Variants in SHC2 observed in about 807,000 individuals in gnomAD.
The protein encoded by SHC2 is SHC adaptor protein 2, also known as SHC-transforming protein 2.
SHC2 carries 62 observed loss-of-function variants against 60.6 expected under a neutral mutation model. The observed-to-expected ratio is 1.02, with a 90% CI of 0.83 to 1.26. The LOEUF is 1.26. Among genes scored for constraint, SHC2 ranks in the 50% most tolerant of loss-of-function variants. SHC2 has a pLI of 0.00. For missense variants in SHC2, 873 were observed against 822.2 expected, an observed-to-expected ratio of 1.06 and a Z score of -0.76; for synonymous variants, 375 against 372.4, an observed-to-expected ratio of 1.01 and a Z score of -0.08.
At chr19:421,386 C>A (rs141514852) in intron 11 of SHC2, among the ~76,000 whole-genome samples, 3 of 122,712 alleles carry the variant, frequency 2.4e-5, no homozygotes, top group Admixed American at 1.1e-4. Flanking sequence ...GGCAACAGTG[C>A]GAGACTCCAT....
rs947463055 is a variant in SHC2, at chr19:438,499, C to T, written c.720+219G>A. 4.6e-5 allele frequency among the ~76,000 whole-genome samples: 7 copies of T among 152,218 alleles called. No homozygotes were observed. The highest frequency in any genetic ancestry group is 8.8e-5 in the Non-Finnish European group (6 of 68,014). ...GCCCCCACCCACTCCATGCCAGGAG[C>T]GCCCCTGTATCAGGACGGCTCGCCC... On this transcript the variant is annotated intron_variant, in intron 4 of 12. Transcript: ENST00000264554. This position sits in a 1 kb window ranked among gnomAD's most constrained non-coding sequence, Gnocchi z 5.0.
rs377546633 is a variant in SHC2, at chr19:453,780, G to A, written c.468+6749C>T. On this transcript the variant is annotated intron_variant, in intron 1 of 12. Coordinates refer to ENST00000264554, the MANE Select transcript of SHC2 (RefSeq NM_012435.3). This position sits in a 1 kb window ranked among gnomAD's most constrained non-coding sequence, Gnocchi z 6.3. ...TTTTGCCGACCGTGTCCCAGTTTGC[G>A]TCCATCCCCCACCGGGCCTGGGCTC... is the stretch of plus-strand genomic sequence containing the variant. 7.2e-4 allele frequency among the ~76,000 whole-genome samples: 110 copies of A among 152,250 alleles called. No homozygotes were observed. The Middle Eastern group carries it at 0.01, about 14-fold the overall frequency.
intron 9 of SHC2, among the ~76,000 whole-genome samples, chr19:426,981 G>A (rs1203167727): frequency 2.6e-5 from 4 of 152,180 alleles, no homozygotes; most frequent in African/African-American, 9.7e-5. Flanking sequence ...GGGCATGAGT[G>A]CAAGTGAGAA....
In SHC2 at chr19:440,072, G is replaced by A. The variant is rs377419910; in HGVS notation, c.539+790C>T. Among the ~76,000 whole-genome samples, 240 of 151,324 alleles carry A rather than the reference G, an allele frequency of 1.6e-3. 1 individual carries two copies. Among genetic ancestry groups the A allele is most frequent in the African/African-American group, 5.2e-3 (216 of 41,232 alleles). ...GCAAGGCTCTGACCCAGGCCACAGC[G>A]CGGACACACCTCGGGAACGCCATGC... On this transcript the variant is annotated intron_variant, in intron 2 of 12. Transcript: ENST00000264554. This position sits in a 1 kb window ranked among gnomAD's most constrained non-coding sequence, Gnocchi z 7.0.
chr19:445,476 G>A lies in SHC2; in HGVS notation c.469-4544C>T, dbSNP rs1975031163. 6.6e-6 allele frequency among the ~76,000 whole-genome samples: 1 copy of A among 152,204 alleles called. No homozygotes were observed. Among genetic ancestry groups the A allele is most frequent in the Non-Finnish European group, 1.5e-5 (1 of 68,044 alleles). On this transcript the variant is annotated intron_variant, in intron 1 of 12. Coordinates refer to ENST00000264554, the MANE Select transcript of SHC2 (RefSeq NM_012435.3). This position sits in a 1 kb window ranked among gnomAD's most constrained non-coding sequence, Gnocchi z 4.4. ...AGGCCTGGCACAGCAGCTCATGCCT[G>A]TAATCGCAGCACTTCAGGAGACCTA...
At chr19:418,184 T>C (rs1974195990) in intron 12 of SHC2, among the ~76,000 whole-genome samples, 1 of 152,116 alleles carries the variant, frequency 6.6e-6, no homozygotes, top group Non-Finnish European at 1.5e-5. Context: ...AGGTATGGTC[T>C]TCTCACTGCC....
intron 7 of SHC2, chr19:435,823 T>G: frequency 7.5e-6 from 2 of 268,334 alleles, no homozygotes; most frequent in East Asian, 7.1e-5. Context: ...CCTTTACACA[T>G]GTTCTGCGGT....
chr19:436,445 G>T lies in SHC2; in HGVS notation c.775-14C>A. 6.2e-7 allele frequency: 1 copy of T among 1,602,066 alleles called. No homozygotes were observed. The highest frequency in any genetic ancestry group is 8.5e-7 in the Non-Finnish European group (1 of 1,174,338). ...ATCCGTCATGTCCTGGGGGCGGGGA[G>T]GGGCCAGCTGGACCTGCCTGGGCCC... On this transcript the variant is annotated splice_polypyrimidine_tract_variant and intron_variant, in intron 5 of 12. Transcript: ENST00000264554.
chr19:430,816 C>T (rs1974567394), intron 8 of SHC2, 69 bp from the exon 9 acceptor site: 13 of 1,462,846 alleles, frequency 8.9e-6, no homozygotes, highest in African/African-American at 1.4e-5. Context: ...GACCCCCAGT[C>T]TCCCCGCCCG....
At chr19:428,415 G>C (rs1974473752) in intron 9 of SHC2, among the ~76,000 whole-genome samples, 1 of 152,210 alleles carries the variant, frequency 6.6e-6, no homozygotes, top group Non-Finnish European at 1.5e-5. Context: ...CAGATGTCCA[G>C]GACCAGGGCG....
chr19:431,032 G>A (rs149213980), intron 8 of SHC2, among the ~76,000 whole-genome samples: 109 of 152,216 alleles, frequency 7.2e-4, no homozygotes, highest in Non-Finnish European at 1.4e-3. Flanking sequence ...TCCCCGCTCT[G>A]CTCTCCCAGG....
chr19:454,857 T>C (rs1052711566), intron 1 of SHC2, among the ~76,000 whole-genome samples: 1 of 151,852 alleles, frequency 6.6e-6, no homozygotes, highest in African/African-American at 2.4e-5. Context: ...CCGTCCCCTC[T>C]GGAGGCAGCA....
intron 1 of SHC2, among the ~76,000 whole-genome samples, chr19:455,438 C>T (rs1190291311): frequency 1.3e-5 from 2 of 152,244 alleles, no homozygotes; most frequent in African/African-American, 2.4e-5. Context: ...GCGCAGGACT[C>T]GGCGTGAGCC....
At chr19:426,196 G>A (rs1252806322) in intron 9 of SHC2, among the ~76,000 whole-genome samples, 1 of 152,218 alleles carries the variant, frequency 6.6e-6, no homozygotes, top group African/African-American at 2.4e-5. Flanking sequence ...CCACATGAAC[G>A]TGAGGCTGCA....
In SHC2 at chr19:441,049, T is replaced by C; in HGVS notation, c.469-117A>G. ...CCCTGGGGTCGAGCCCTTTCCTCTGTCCCTGGTGGCTCTGGGGCCGTCGTG... is the reference window on the plus strand; with the variant it reads ...CCCTGGGGTCGAGCCCTTTCCTCTGCCCCTGGTGGCTCTGGGGCCGTCGTG... On this transcript the variant is annotated intron_variant, in intron 1 of 12. Transcript: ENST00000264554. This position sits in a 1 kb window ranked among gnomAD's most constrained non-coding sequence, Gnocchi z 4.9. 1.3e-6 allele frequency: 2 copies of C among 1,517,174 alleles called. No homozygotes were observed. The highest frequency in any genetic ancestry group is 1.8e-6 in the Non-Finnish European group (2 of 1,114,694). 94.0% of individuals were successfully genotyped at this position (1,517,174 alleles called of 1,614,324 possible).
rs189665634 is a variant in SHC2 at position 453,766 on chromosome 19, G to A, written c.468+6763C>T. 6.0e-3 allele frequency among the ~76,000 whole-genome samples: 913 copies of A among 152,236 alleles called. 9 individuals carry two copies. The highest frequency in any genetic ancestry group is 0.021 in the African/African-American group (870 of 41,524). ...AGGATGAAGTGTCATTTTGCCGACC[G>A]TGTCCCAGTTTGCGTCCATCCCCCA... is the stretch of plus-strand genomic sequence containing the variant. On this transcript the variant is annotated intron_variant, in intron 1 of 12. Coordinates refer to ENST00000264554, the MANE Select transcript of SHC2 (RefSeq NM_012435.3). The surrounding 1 kb of genome is among the most constrained non-coding windows in gnomAD (Gnocchi z 6.3).
At chr19:443,309 A>AGTGGATGG (rs1301606648) in intron 1 of SHC2, among the ~76,000 whole-genome samples, 2 of 64,466 alleles carry the variant, frequency 3.1e-5, no homozygotes, top group Admixed American at 1.4e-4. Context: ...TGGGTGGATG[A>AGTGGATGG]GTGGATGGGT....
chr19:429,494 A>AT (rs1974509659), intron 9 of SHC2, among the ~76,000 whole-genome samples: 4 of 148,160 alleles, frequency 2.7e-5, no homozygotes, highest in East Asian at 2.1e-4. Flanking sequence ...CAGTACCTAT[A>AT]CCCAACGTGC....
intron 4 of SHC2, 43 bp from the exon 5 acceptor site, chr19:436,726 C>G: frequency 1.9e-6 from 3 of 1,578,360 alleles, no homozygotes; most frequent in Non-Finnish European, 2.6e-6. Context: ...GGCCCCGCTT[C>G]GAGGGCAGGG....
Sources: gnomAD v4.1 joint callset for allele counts (sites outside exome capture counted in the v4.1 genomes callset) on GRCh38, gnomAD v4.1.1 for gene constraint, Gnocchi (gnomAD v3.1) non-coding constraint, MANE v1.5 for transcripts, NCBI Gene and HGNC (gene_info 2026-07-23, HGNC 2026-07-21) for gene names.